Variants in PLPP1 observed in about 807,000 individuals in gnomAD.
PLPP1 encodes phospholipid phosphatase 1, also known as lipid phosphate phosphohydrolase 1a.
In PLPP1, 24 loss-of-function variants were observed where a neutral mutation model predicts 31.2. The ratio of observed to expected loss-of-function variants is 0.77; its 90% CI spans 0.56 to 1.08. PLPP1 has a LOEUF of 1.08. PLPP1 is among the 50% of genes least tolerant of loss of function. The pLI is 0.00. For missense variants in PLPP1, 319 were observed against 342.7 expected (o/e 0.93, Z 0.55); for synonymous variants, 146 against 126.3 (o/e 1.16, Z -1.05).
chr5:55,467,944 G>T lies in PLPP1; in HGVS notation c.416C>A (p.Ser139Ter). 6.2e-7 allele frequency: 1 copy of T among 1,614,044 alleles called. No individual in the cohort carries two copies. The highest frequency in any genetic ancestry group is 1.1e-5 in the South Asian group (1 of 91,034). The change falls in exon 3 of 6, where the codon TCA (serine) becomes TAA (stop). Residue 139 changes from serine to a stop codon, truncating the protein, a stop_gained. Transcript: ENST00000307259. LOFTEE classifies it high-confidence loss of function. ...GTAACCATCGCTGCAGTTGATTTTT[G>T]ACCAATCTGGATCACAAACATCCAA... ...HFLDVCDPDW[S>*]KINCSDGYIE... is the part of the protein sequence containing the mutation.
intron 4 of PLPP1, among the ~76,000 whole-genome samples, chr5:55,441,237 C>G (rs2111706029): frequency 6.6e-6 from 1 of 152,304 alleles, no homozygotes; most frequent in Non-Finnish European, 1.5e-5. Flanking sequence ...TAAGGCCTCA[C>G]TGCCAGCTTT....
In PLPP1 at chr5:55,441,810, GCAGCACATAACCTAACCGTCAA is replaced by G; in HGVS notation, c.549+19_549+40del. On this transcript the variant is annotated intron_variant, in intron 4 of 5. Transcript: ENST00000307259. ...CTGATGCTGAGCACATTAATTCCAT[GCAGCACATAACCTAACCGTCAA>G]CAGACACAAAGTACTTACTGCCACA... 6.3e-7 allele frequency: 1 copy of G among 1,578,982 alleles called. No individual in the cohort carries two copies.
intron 2 of PLPP1, among the ~76,000 whole-genome samples, chr5:55,470,954 G>C (rs904591937): frequency 6.6e-6 from 1 of 152,120 alleles, no homozygotes; most frequent in Non-Finnish European, 1.5e-5. Context: ...ACCTTTTTAA[G>C]CCTATCTCCC....
intron 1 of PLPP1, among the ~76,000 whole-genome samples, chr5:55,505,831 C>T (rs1297463581): frequency 1.3e-5 from 2 of 152,012 alleles, no homozygotes; most frequent in South Asian, 2.1e-4. Context: ...CTGAGGTGGC[C>T]GGATCACTTG....
chr5:55,431,570 G>C (rs1751349390), intron 4 of PLPP1, among the ~76,000 whole-genome samples: 1 of 152,032 alleles, frequency 6.6e-6, no homozygotes, highest in African/African-American at 2.4e-5. Context: ...AAAATTTCTT[G>C]AAACAAATGA....
At chr5:55,494,400 CG>C (rs1752961902) in intron 1 of PLPP1, among the ~76,000 whole-genome samples, 1 of 152,062 alleles carries the variant, frequency 6.6e-6, no homozygotes, top group Admixed American at 6.6e-5. Flanking sequence ...ATATGAAGAA[CG>C]AAAGTTCCAT....
rs189586640 is a variant in PLPP1, at chr5:55,531,527, T to C, written c.58+3045A>G. On this transcript the variant is annotated intron_variant, in intron 1 of 5. Transcript: ENST00000307259. ...CTGGAATGTATCCACATTATAATTA[T>C]GAACCACTTTCACAAAACCCTGCAC... is the stretch of plus-strand genomic sequence containing the variant. Among the ~76,000 whole-genome samples, 6 of 152,390 alleles carry C rather than the reference T, an allele frequency of 3.9e-5. No individual in the cohort carries two copies. In the East Asian group the frequency reaches 1.2e-3, roughly 29 times the overall value.
At chr5:55,530,872 A>G (rs1671695715) in intron 1 of PLPP1, among the ~76,000 whole-genome samples, 1 of 152,232 alleles carries the variant, frequency 6.6e-6, no homozygotes, top group Non-Finnish European at 1.5e-5. Flanking sequence ...GTCCTCAGCC[A>G]TGGCGGGGGA....
rs149570790 is a variant in PLPP1, at chr5:55,476,126, G to A, written c.59-676C>T. Among the ~76,000 whole-genome samples the A allele has an allele frequency of 1.4e-3, 211 of 151,862 alleles. 2 individuals carry two copies. In the Middle Eastern group the frequency reaches 0.024, roughly 17 times the overall value. On this transcript the variant is annotated intron_variant, in intron 1 of 5. Transcript: ENST00000307259. ...CTTGAGCAGCTGGGACCACAGGCAC[G>A]CACCACCATGCCAAGCTGGTTTGTT...
At chr5:55,438,340 T>A (rs1459815446) in intron 4 of PLPP1, among the ~76,000 whole-genome samples, 1 of 152,132 alleles carries the variant, frequency 6.6e-6, no homozygotes, top group Non-Finnish European at 1.5e-5. Flanking sequence ...ATGCTGACAC[T>A]CTCTTGGCAC....
At chr5:55,499,331 T>C (rs1358470617) in intron 1 of PLPP1, among the ~76,000 whole-genome samples, 1 of 152,214 alleles carries the variant, frequency 6.6e-6, no homozygotes, top group Non-Finnish European at 1.5e-5. Flanking sequence ...TCTAAGACTT[T>C]GTTCCAAGAT....
At chr5:55,508,997 G>A (rs1170913869) in intron 1 of PLPP1, 4 of 153,212 alleles carry the variant, frequency 2.6e-5, no homozygotes, top group African/African-American at 9.6e-5. Context: ...ATGTGAAATG[G>A]AATTAGAACT....
intron 3 of PLPP1, among the ~76,000 whole-genome samples, chr5:55,461,067 A>G (rs1012428008): frequency 1.3e-5 from 2 of 152,020 alleles, no homozygotes; most frequent in Admixed American, 6.6e-5. Context: ...GTGGTGGCGC[A>G]CACCTGTAGT....
chr5:55,524,687 G>A (rs1437454860), intron 1 of PLPP1, among the ~76,000 whole-genome samples: 1 of 152,120 alleles, frequency 6.6e-6, no homozygotes, highest in Non-Finnish European at 1.5e-5. Context: ...GTGGGCACCT[G>A]TAATCCCAGC....
chr5:55,509,330 G>A (rs1393541893), intron 1 of PLPP1, among the ~76,000 whole-genome samples: 1 of 152,218 alleles, frequency 6.6e-6, no homozygotes, highest in African/African-American at 2.4e-5. Flanking sequence ...ATATTTGAGT[G>A]TGATTCACAG....
chr5:55,445,851 C>G (rs142993286), intron 3 of PLPP1, among the ~76,000 whole-genome samples: 81 of 152,258 alleles, frequency 5.3e-4, no homozygotes, highest in African/African-American at 1.8e-3. Context: ...AGCCTACATT[C>G]ATTCTTGAAT....
chr5:55,497,567 A>C (rs1753029431), intron 1 of PLPP1, among the ~76,000 whole-genome samples: 1 of 151,984 alleles, frequency 6.6e-6, no homozygotes, highest in Non-Finnish European at 1.5e-5. Context: ...CAGAACTTTT[A>C]ATAAAAGAGG....
chr5:55,430,827 A>G (rs10059697), intron 4 of PLPP1, among the ~76,000 whole-genome samples: 28,510 of 152,146 alleles, frequency 0.19, 2,748 homozygotes, highest in Admixed American at 0.19. Flanking sequence ...GAAAACAGCA[A>G]TCAGAAAAAT....
chr5:55,489,246 C>T (rs946608011), intron 1 of PLPP1, among the ~76,000 whole-genome samples: 1 of 152,046 alleles, frequency 6.6e-6, no homozygotes, highest in African/African-American at 2.4e-5. Context: ...CACTCTCAAG[C>T]AATTATCTCC....
Sources: gnomAD v4.1 joint callset for allele counts (sites outside exome capture counted in the v4.1 genomes callset) on GRCh38, gnomAD v4.1.1 for gene constraint, MANE v1.5 for transcripts, NCBI Gene and HGNC (gene_info 2026-07-23, HGNC 2026-07-21) for gene names.